Variants in TBC1D8 observed in about 807,000 individuals in gnomAD.
The protein encoded by TBC1D8 is BUB2-like protein 1.
A neutral mutation model predicts 118.8 loss-of-function variants in TBC1D8; 65 were observed. That is an observed-to-expected ratio of 0.55 (90% CI 0.45 to 0.67). The LOEUF is 0.67. TBC1D8 is among the 30% of genes least tolerant of loss of function. The pLI, the probability that TBC1D8 is intolerant of heterozygous loss-of-function variation, is 0.00. For missense variants in TBC1D8, 1,376 were observed against 1,471.2 expected, an observed-to-expected ratio of 0.94 and a Z score of 1.06; for synonymous variants, 566 against 595.8, an observed-to-expected ratio of 0.95 and a Z score of 0.73.
chr2:101,124,569 A>T (rs1678270605), intron 1 of TBC1D8, among the ~76,000 whole-genome samples: 1 of 152,166 alleles, frequency 6.6e-6, no homozygotes, highest in African/African-American at 2.4e-5. Flanking sequence ...AATCTAAGTA[A>T]ACCCTCGGCT....
rs34909669 is a variant in TBC1D8, at chr2:101,140,760, C to CT, written c.127+10366dup. ...TCCAAATAACACATCTATATTACTACTTTTTTTTTTTTTTTTTTTGAGACA... is the reference window on the plus strand; with the variant it reads ...TCCAAATAACACATCTATATTACTACTTTTTTTTTTTTTTTTTTTTGAGACA... On this transcript the variant is annotated intron_variant, in intron 1 of 19. Coordinates refer to ENST00000409318, the MANE Select transcript of TBC1D8 (RefSeq NM_001330348.2). Among the ~76,000 whole-genome samples the CT allele has an allele frequency of 3.0e-3, 392 of 131,256 alleles. 3 individuals are homozygous for CT. Among genetic ancestry groups the CT allele is most frequent in the African/African-American group, 5.9e-3 (215 of 36,216 alleles). The allele number at this position is 131,256 out of a possible 152,430, so 86.1% of individuals were successfully genotyped here.
chr2:101,033,832 C>T (rs536572701), intron 9 of TBC1D8, 74 bp from the exon 10 acceptor site: 12 of 1,508,978 alleles, frequency 8.0e-6, no homozygotes, highest in Non-Finnish European at 1.1e-5. Context: ...ATGCTGGTCC[C>T]ATCAGGGGAC....
At chr2:101,050,193 T>C (rs1286903008) in intron 5 of TBC1D8, among the ~76,000 whole-genome samples, 1 of 152,200 alleles carries the variant, frequency 6.6e-6, no homozygotes, top group African/African-American at 2.4e-5. Context: ...TCTGAAAACT[T>C]GAAGTCCACT....
intron 1 of TBC1D8, among the ~76,000 whole-genome samples, chr2:101,132,320 A>G (rs1429663891): frequency 1.3e-5 from 2 of 152,208 alleles, no homozygotes; most frequent in Non-Finnish European, 1.5e-5. Flanking sequence ...TGTCCTACAC[A>G]AAAGAGCAGT....
chr2:101,105,453 G>A (rs567695077), intron 1 of TBC1D8, among the ~76,000 whole-genome samples: 5 of 151,972 alleles, frequency 3.3e-5, no homozygotes, highest in African/African-American at 9.7e-5. Context: ...GCTTGGCATG[G>A]TGGCTCGTGC....
intron 1 of TBC1D8, among the ~76,000 whole-genome samples, chr2:101,124,825 C>A (rs749684274): frequency 1.3e-5 from 2 of 152,248 alleles, no homozygotes; most frequent in African/African-American, 2.4e-5. Context: ...GATGAAGAGG[C>A]TGGGTGGCCA....
intron 12 of TBC1D8, among the ~76,000 whole-genome samples, chr2:101,028,960 G>A (rs1271945950): frequency 6.6e-6 from 1 of 152,174 alleles, no homozygotes; most frequent in African/African-American, 2.4e-5. Context: ...AGCATCTATG[G>A]CCCTGCTCTT....
At chr2:101,118,497 C>T (rs928898075) in intron 1 of TBC1D8, among the ~76,000 whole-genome samples, 10 of 151,518 alleles carry the variant, frequency 6.6e-5, no homozygotes, top group East Asian at 3.9e-4. Context: ...GAGATCGAGA[C>T]CATCCTGGCT....
intron 1 of TBC1D8, among the ~76,000 whole-genome samples, chr2:101,110,944 C>T (rs1239042212): frequency 3.4e-5 from 5 of 145,290 alleles, no homozygotes; most frequent in African/African-American, 1.3e-4. Flanking sequence ...TGCGCCACTG[C>T]ACTCCAGCCT....
In TBC1D8 at chr2:101,061,731, G is replaced by A. The variant is rs185555521; in HGVS notation, c.284-2192C>T. On this transcript the variant is annotated intron_variant, in intron 2 of 19. Coordinates refer to ENST00000409318, the MANE Select transcript of TBC1D8 (RefSeq NM_001330348.2). The stretch of plus-strand genomic sequence containing the variant: ...AGTCCAAGCAGCAGCCCACTCAGGT[G>A]TAGCAGAAGCTTCCTCTGAGGTGAG... 7.4e-4 allele frequency among the ~76,000 whole-genome samples: 112 copies of A among 152,304 alleles called. 5 individuals carry two copies. In the East Asian group the frequency reaches 0.02, roughly 27 times the overall value.
chr2:101,117,369 T>C (rs542509776), intron 1 of TBC1D8, among the ~76,000 whole-genome samples: 1 of 152,104 alleles, frequency 6.6e-6, no homozygotes, highest in Non-Finnish European at 1.5e-5. Context: ...CCTCCCACAA[T>C]AGACTGACCA....
chr2:101,148,454 T>C (rs1465668244), intron 1 of TBC1D8, among the ~76,000 whole-genome samples: 1 of 152,056 alleles, frequency 6.6e-6, no homozygotes, highest in Non-Finnish European at 1.5e-5. Context: ...AATTGGTATA[T>C]TGTAAGAGAA....
chr2:101,070,499 G>A (rs932765232), intron 2 of TBC1D8, among the ~76,000 whole-genome samples: 6 of 150,082 alleles, frequency 4.0e-5, no homozygotes, highest in Non-Finnish European at 5.9e-5. Context: ...TGCAACCTCC[G>A]CCTCTCAGGT....
At chr2:101,087,020 G>A (rs931413200) in intron 2 of TBC1D8, among the ~76,000 whole-genome samples, 2 of 152,060 alleles carry the variant, frequency 1.3e-5, no homozygotes, top group Admixed American at 6.5e-5. Flanking sequence ...CTGACCTCAG[G>A]TGATCCGCCC....
At chr2:101,091,428 CA>C (rs1419780185) in intron 1 of TBC1D8, among the ~76,000 whole-genome samples, 1 of 151,364 alleles carries the variant, frequency 6.6e-6, no homozygotes, top group Non-Finnish European at 1.5e-5. Context: ...ACAAAACAAA[CA>C]AAAAAGGCAT....
intron 2 of TBC1D8, among the ~76,000 whole-genome samples, chr2:101,087,129 G>A (rs1032054237): frequency 6.6e-6 from 1 of 151,958 alleles, no homozygotes; most frequent in Admixed American, 6.6e-5. Context: ...GTATTGGGCT[G>A]CATTCAAAGC....
At chr2:101,118,433 A>C (rs574622327) in intron 1 of TBC1D8, among the ~76,000 whole-genome samples, 5 of 151,674 alleles carry the variant, frequency 3.3e-5, no homozygotes, top group African/African-American at 7.3e-5. Flanking sequence ...ACAGTGGCTC[A>C]TGCCTGTAAT....
intron 1 of TBC1D8, among the ~76,000 whole-genome samples, chr2:101,146,684 T>C (rs1286968917): frequency 6.6e-6 from 1 of 152,240 alleles, no homozygotes; most frequent in Non-Finnish European, 1.5e-5. Flanking sequence ...GTAGTTAGCA[T>C]ATCCATTACC....
intron 2 of TBC1D8, among the ~76,000 whole-genome samples, chr2:101,067,121 G>A (rs1683059634): frequency 6.6e-6 from 1 of 152,102 alleles, no homozygotes; most frequent in Non-Finnish European, 1.5e-5. Flanking sequence ...TGGGAGGAAG[G>A]TGCTTTCTGG....
Sources: gnomAD v4.1 joint callset for allele counts (sites outside exome capture counted in the v4.1 genomes callset) on GRCh38, gnomAD v4.1.1 for gene constraint, MANE v1.5 for transcripts, NCBI Gene and HGNC (gene_info 2026-07-23, HGNC 2026-07-21) for gene names.